SOD2: variants seen among roughly 807,000 people sequenced by gnomAD.
SOD2 encodes superoxide dismutase [Mn], mitochondrial.
SOD2 carries 11 observed loss-of-function variants against 27.0 expected under a neutral mutation model. The ratio of observed to expected loss-of-function variants is 0.41; its 90% CI spans 0.26 to 0.67. The LOEUF (loss-of-function observed/expected upper bound fraction) is 0.67, where lower values mean the gene tolerates loss of function less well. SOD2 is among the 30% of genes least tolerant of loss of function. The pLI is 0.34. For synonymous variants in SOD2, 105 were observed against 103.0 expected (o/e 1.02, Z -0.12); for missense variants, 250 against 274.5 (o/e 0.91, Z 0.63).
At chr6:159,755,413 A>G (rs1036581025) in intron 1 of SOD2, 1 of 1,614,174 alleles carries the variant, frequency 6.2e-7, no homozygotes, top group African/African-American at 1.3e-5. Flanking sequence ...ACGTAAATCA[A>G]CTCAGTGCGG....
intron 1 of SOD2, chr6:159,736,192 T>A (rs920264695): frequency 2.0e-6 from 3 of 1,502,712 alleles, no homozygotes; most frequent in Admixed American, 1.9e-5. Flanking sequence ...AGAGTCAGTA[T>A]TTTTTATTCC....
chr6:159,721,824 C>G (rs2114839444), intron 1 of SOD2, among the ~76,000 whole-genome samples: 1 of 152,126 alleles, frequency 6.6e-6, no homozygotes, highest in African/African-American at 2.4e-5. Flanking sequence ...CACACCCAGC[C>G]TGTAATTTCT....
chr6:159,758,766 C>T (rs948361972), intron 1 of SOD2, among the ~76,000 whole-genome samples: 3 of 152,168 alleles, frequency 2.0e-5, no homozygotes, highest in African/African-American at 7.2e-5. Flanking sequence ...CACTGTTCCC[C>T]TCATGGAGAC....
At chr6:159,758,219 A>G (rs1158398282) in intron 1 of SOD2, among the ~76,000 whole-genome samples, 1 of 151,750 alleles carries the variant, frequency 6.6e-6, no homozygotes. Flanking sequence ...TCTCCCCTGT[A>G]AGAGCACTCA....
At chr6:159,728,615 A>G (rs1388581236), upstream of SOD2, among the ~76,000 whole-genome samples, 2 of 152,268 alleles carry the variant, frequency 1.3e-5, no homozygotes, top group African/African-American at 4.8e-5. Flanking sequence ...TAAGTTTTCT[A>G]CGATAGATAA....
At chr6:159,712,125 ATAACCACCTC>A in intron 1 of SOD2, among the ~76,000 whole-genome samples, 1 of 35,554 alleles carries the variant, frequency 2.8e-5, no homozygotes, top group Non-Finnish European at 6.9e-5. Context: ...TCAGACCTCC[ATAACCACCTC>A]CATAACCACC....
At chr6:159,702,295 A>AT (rs112350033) in intron 1 of SOD2, among the ~76,000 whole-genome samples, 423 of 142,576 alleles carry the variant, frequency 3.0e-3, no homozygotes, top group Middle Eastern at 3.6e-3. Flanking sequence ...TCTGTATAAA[A>AT]TTTTTTTTTT....
rs1036529608 is a variant in SOD2, at chr6:159,674,295, A to C, written c.*8198T>G. ...AAAGCCTGGCAGAGACATAACAAAA[A>C]AAGAGAACTTTAGACCAATATCCCT... On this transcript the variant is annotated 3_prime_UTR_variant, in exon 5 of 5. Transcript: ENST00000538183. 1 of 152,260 alleles carries C rather than the reference A, an allele frequency of 6.6e-6. No individual in the cohort carries two copies. Among genetic ancestry groups the C allele is most frequent in the African/African-American group, 2.4e-5 (1 of 41,462 alleles). The allele number at this position is 152,260 out of a possible 1,614,324, so 9.4% of individuals were successfully genotyped here.
Position 159,670,013 on chromosome 6 carries a change from T to C in SOD2, c.*12480A>G, listed in dbSNP as rs1376910436. ...ATCTCTTCCCAGGAGAATCACTTGT[T>C]TTTTGAGAGACAGGATCTCTTTCAC... On this transcript the variant is annotated 3_prime_UTR_variant, in exon 5 of 5. Coordinates refer to ENST00000538183, the MANE Select transcript of SOD2 (RefSeq NM_000636.4). 6.6e-6 allele frequency: 1 copy of C among 152,228 alleles called. No individual in the cohort carries two copies. Among genetic ancestry groups the C allele is most frequent in the Non-Finnish European group, 1.5e-5 (1 of 68,060 alleles). 9.4% of individuals were successfully genotyped at this position (152,228 alleles called of 1,614,324 possible).
chr6:159,700,674 A>G (rs1466546135), intron 1 of SOD2, among the ~76,000 whole-genome samples: 4 of 150,872 alleles, frequency 2.7e-5, no homozygotes, highest in Admixed American at 1.3e-4. Context: ...AAAAAAATCA[A>G]TGCATTGTTA....
upstream of SOD2, chr6:159,727,389 G>GGCGGGAGGCGGGAA: frequency 8.2e-7 from 1 of 1,217,522 alleles, no homozygotes; most frequent in Non-Finnish European, 1.1e-6. Context: ...GGAGGCGGGA[G>GGCGGGAGGCGGGAA]GCGGGAGGCG....
rs1779651417 is a variant in SOD2, at chr6:159,671,242, C to G, written c.*11251G>C. 6.6e-6 allele frequency: 1 copy of G among 152,394 alleles called. No individual in the cohort carries two copies. Among genetic ancestry groups the G allele is most frequent in the East Asian group, 1.9e-4 (1 of 5,204 alleles). The allele number at this position is 152,394 out of a possible 1,614,324, so 9.4% of individuals were successfully genotyped here. A position where few individuals can be genotyped will look rare whatever the true frequency, so the allele number is the denominator to read the frequency against. On this transcript the variant is annotated 3_prime_UTR_variant, in exon 5 of 5. Coordinates refer to ENST00000538183, the MANE Select transcript of SOD2 (RefSeq NM_000636.4). ...TCCCTGTCTGACAGCTTTGAAGAGACCAGTGGTTCTCCCAGCACAGAGTTT... is the reference window on the plus strand; with the variant it reads ...TCCCTGTCTGACAGCTTTGAAGAGAGCAGTGGTTCTCCCAGCACAGAGTTT...
chr6:159,702,648 T>C (rs1277274227), intron 1 of SOD2, among the ~76,000 whole-genome samples: 3 of 92,618 alleles, frequency 3.2e-5, no homozygotes, highest in Admixed American at 1.7e-4. Context: ...GGAAGCTCTA[T>C]CTCTCCAAAA....
chr6:159,692,779 G>T lies in SOD2; in HGVS notation c.108C>A (p.Gly36=). 6.2e-7 allele frequency: 1 copy of T among 1,614,118 alleles called. No individual in the cohort carries two copies. The highest frequency in any genetic ancestry group is 8.5e-7 in the Non-Finnish European group (1 of 1,180,018). The change falls in exon 2 of 5, where the codon GGC becomes GGA. Residue 36 remains glycine (G), a synonymous_variant. Coordinates refer to ENST00000538183, the MANE Select transcript of SOD2 (RefSeq NM_000636.4). ...HSLPDLPYDY[G]ALEPHINAQI... Reference sequence around the variant, plus strand: ...GCGCGTTGATGTGAGGTTCCAGGGCGCCGTAGTCGTAGGGCAGGTCGGGGA... The same window carrying T: ...GCGCGTTGATGTGAGGTTCCAGGGCTCCGTAGTCGTAGGGCAGGTCGGGGA...
chr6:159,760,281 T>C (rs1437776365), intron 1 of SOD2: 1 of 152,220 alleles, frequency 6.6e-6, no homozygotes, highest in Non-Finnish European at 1.5e-5. Flanking sequence ...TAGGAAATTT[T>C]ATTTATTTGA....
upstream of SOD2, chr6:159,727,553 G>A: frequency 1.0e-6 from 1 of 989,412 alleles, no homozygotes; most frequent in Non-Finnish European, 1.2e-6. Flanking sequence ...ATAAAGGGGA[G>A]CGCAGGGGTT....
At chr6:159,717,897 A>ATGTGTGTGTGTG (rs66742481) in intron 1 of SOD2, among the ~76,000 whole-genome samples, 15 of 149,480 alleles carry the variant, frequency 1.0e-4, no homozygotes, top group African/African-American at 3.0e-4. Flanking sequence ...ATGTATGGAT[A>ATGTGTGTGTGTG]TGTGTGTGTG....
At chr6:159,727,577 G>C (rs1425854476), upstream of SOD2, 2 of 987,170 alleles carry the variant, frequency 2.0e-6, no homozygotes, top group Non-Finnish European at 2.4e-6. Flanking sequence ...GCGGGACTAG[G>C]AGCGCGGCGG....
At chr6:159,761,821 C>T (rs1252638850) in exon 1 of SOD2, 1 of 214,234 alleles carries the variant, frequency 4.7e-6, no homozygotes. Context: ...CAAGCCCAGA[C>T]CCCGGCCTCA....
Sources: allele counts gnomAD v4.1 joint callset (sites outside exome capture counted in the v4.1 genomes callset), GRCh38; gene constraint gnomAD v4.1.1; transcripts MANE v1.5; gene names NCBI Gene and HGNC (gene_info 2026-07-23, HGNC 2026-07-21).